The following ARMC9 variants were observed in gnomAD, a reference collection of about 807,000 sequenced individuals.
The protein encoded by ARMC9 is armadillo repeat containing 9.
A neutral mutation model predicts 107.0 loss-of-function variants in ARMC9; 94 were observed. The observed-to-expected ratio is 0.88, with a 90% CI of 0.74 to 1.04. The LOEUF (loss-of-function observed/expected upper bound fraction) is 1.04, where lower values mean the gene tolerates loss of function less well. Ranked by LOEUF, ARMC9 falls within the 50% of genes least tolerant of loss-of-function variation. The pLI, the probability that ARMC9 is intolerant of heterozygous loss-of-function variation, is 0.00. For synonymous variants in ARMC9, 380 were observed against 396.9 expected (o/e 0.96, Z 0.51); for missense variants, 942 against 1,030.1 (o/e 0.91, Z 1.17).
intron 17 of ARMC9, among the ~76,000 whole-genome samples, chr2:231,290,521 A>T (rs1173033670): frequency 6.6e-6 from 1 of 152,160 alleles, no homozygotes; most frequent in Non-Finnish European, 1.5e-5. Flanking sequence ...TCATTATTAG[A>T]AGCACTTTCC....
chr2:231,318,781 G>A (rs564819619), intron 19 of ARMC9, among the ~76,000 whole-genome samples: 57 of 152,358 alleles, frequency 3.7e-4, no homozygotes, highest in African/African-American at 1.3e-3. Flanking sequence ...GATAACTGTA[G>A]AGAGGAATTG....
chr2:231,326,117 C>T (rs1161089816), intron 19 of ARMC9, among the ~76,000 whole-genome samples: 2 of 152,224 alleles, frequency 1.3e-5, no homozygotes, highest in African/African-American at 4.8e-5. Flanking sequence ...GCTGTCCAGC[C>T]TGTACCTCCT....
Position 231,226,937 on chromosome 2 carries a change from T to C in ARMC9, c.622+139T>C, listed in dbSNP as rs1574670060. ...ATATTTATGAAAGGCTTTGCAGTCA[T>C]AGTGACCTGCAGTTCCTTGAGGCCC... is the stretch of plus-strand genomic sequence containing the variant. On this transcript the variant is annotated intron_variant, in intron 7 of 24. Coordinates refer to ENST00000611582, the MANE Select transcript of ARMC9 (RefSeq NM_001352754.2). 3 of 993,340 alleles carry C rather than the reference T, an allele frequency of 3.0e-6. No homozygotes were observed. The South Asian group carries it at 4.6e-5, about 15-fold the overall frequency. The allele number at this position is 993,340 out of a possible 1,614,324, so 61.5% of individuals were successfully genotyped here.
In ARMC9 at chr2:231,296,244, AGAT is replaced by A. The variant is rs1553618510; in HGVS notation, c.1770_1772del (p.Asp590del). On this transcript the variant is annotated inframe_deletion, in exon 19 of 25. Transcript: ENST00000611582. ...TTGAATCTGATGATGATGAAGATGAAGATGATGAAGTAAGTTGGAGGTTCTTGA... is the reference window on the plus strand; with the variant it reads ...TTGAATCTGATGATGATGAAGATGAAGATGAAGTAAGTTGGAGGTTCTTGA... 4.3e-6 allele frequency: 7 copies of A among 1,613,232 alleles called. No homozygotes were observed. Among genetic ancestry groups the A allele is most frequent in the Non-Finnish European group, 5.1e-6 (6 of 1,179,474 alleles).
chr2:231,228,374 G>A (rs970019664), intron 7 of ARMC9, among the ~76,000 whole-genome samples: 2 of 152,320 alleles, frequency 1.3e-5, no homozygotes, highest in Non-Finnish European at 1.5e-5. Flanking sequence ...AGGCGGAGCG[G>A]CCTGGGGCCA....
chr2:231,199,764 C>G (rs1160172690), intron 1 of ARMC9, among the ~76,000 whole-genome samples: 1 of 152,034 alleles, frequency 6.6e-6, no homozygotes, highest in Non-Finnish European at 1.5e-5. Context: ...GGCATGATCT[C>G]GGCTCACTGC....
At chr2:231,309,647 G>A (rs1312478255) in intron 19 of ARMC9, among the ~76,000 whole-genome samples, 5 of 152,058 alleles carry the variant, frequency 3.3e-5, no homozygotes, top group African/African-American at 7.2e-5. Flanking sequence ...TTCAGAATTC[G>A]AGGCATCTAG....
chr2:231,362,084 T>A lies in ARMC9; in HGVS notation c.2261+1201T>A, dbSNP rs1310881898. On this transcript the variant is annotated intron_variant, in intron 23 of 24. Coordinates refer to ENST00000611582, the MANE Select transcript of ARMC9 (RefSeq NM_001352754.2). This position sits in a 1 kb window ranked among gnomAD's most constrained non-coding sequence, Gnocchi z 4.7. ...AAGCACGGGGTCAAAGGTGGCTGCA[T>A]TACTGGGGGAGGGGCCAAGCCTCTG... Among the ~76,000 whole-genome samples the A allele has an allele frequency of 6.6e-6, 1 of 152,040 alleles. No individual in the cohort carries two copies. The highest frequency in any genetic ancestry group is 6.5e-5 in the Admixed American group (1 of 15,276).
intron 20 of ARMC9, among the ~76,000 whole-genome samples, chr2:231,338,745 C>G (rs1297789642): frequency 6.6e-6 from 1 of 151,902 alleles, no homozygotes; most frequent in East Asian, 1.9e-4. Context: ...TATTAACTAG[C>G]TGCTTGGCAA....
intron 7 of ARMC9, among the ~76,000 whole-genome samples, chr2:231,232,271 G>T (rs1431131744): frequency 6.6e-6 from 1 of 151,856 alleles, no homozygotes; most frequent in African/African-American, 2.4e-5. Flanking sequence ...TGATCCACCC[G>T]CCTCGGCCTC....
At chr2:231,239,530 G>T (rs758305415) in intron 8 of ARMC9, among the ~76,000 whole-genome samples, 23 of 152,226 alleles carry the variant, frequency 1.5e-4, no homozygotes, top group Non-Finnish European at 2.6e-4. Context: ...CAGAGCTGTT[G>T]GTCTTCTCGA....
At chr2:231,260,647 G>C (rs758151198) in intron 11 of ARMC9, among the ~76,000 whole-genome samples, 2 of 152,282 alleles carry the variant, frequency 1.3e-5, no homozygotes, top group Admixed American at 6.5e-5. Flanking sequence ...TTTGGGTCAG[G>C]ACTAGAGTGG....
At chr2:231,224,073 T>C (rs779892167) in intron 6 of ARMC9, among the ~76,000 whole-genome samples, 34 of 152,178 alleles carry the variant, frequency 2.2e-4, no homozygotes, top group Admixed American at 5.9e-4. Context: ...TAATTATGGG[T>C]GCCAATATGT....
At position 231,341,667 on chromosome 2, in the gene ARMC9, TAGA is replaced by T. The variant is rs1333865988; in HGVS notation, c.1879-3307_1879-3305del. Among the ~76,000 whole-genome samples the T allele has an allele frequency of 3.0e-4, 44 of 146,780 alleles. 1 individual carries two copies. The highest frequency in any genetic ancestry group is 1.1e-3 in the African/African-American group (41 of 36,490). ...ATAGATAGATAGATAGATAGATAGA[TAGA>T]TAGATAGAGTATACCTGTATTTTTT... is the stretch of plus-strand genomic sequence containing the variant. On this transcript the variant is annotated intron_variant, in intron 20 of 24. Coordinates refer to ENST00000611582, the MANE Select transcript of ARMC9 (RefSeq NM_001352754.2).
At chr2:231,213,440 G>A (rs942905115) in intron 3 of ARMC9, among the ~76,000 whole-genome samples, 1 of 150,964 alleles carries the variant, frequency 6.6e-6, no homozygotes, top group Admixed American at 6.6e-5. Flanking sequence ...GGGATTACAG[G>A]TGTGAGCTAC....
In ARMC9 at chr2:231,259,066, C is replaced by A; in HGVS notation, c.990C>A (p.Asp330Glu). 1 of 1,614,086 alleles carries A rather than the reference C, an allele frequency of 6.2e-7. No individual in the cohort carries two copies. The highest frequency in any genetic ancestry group is 8.5e-7 in the Non-Finnish European group (1 of 1,179,998). Residue 330 changes from aspartate to glutamate, a missense_variant, in exon 11 of 25, where the codon GAC becomes GAA. Transcript: ENST00000611582. ...KLKKDLILGS[D>E]RLKAFLLQAL... ...AGAAGGATTTGATTTTGGGGAGTGA[C>A]CGCTTGAAAGCCTTCTTGTTGCAGG...
At position 231,354,536 on chromosome 2, in the gene ARMC9, C is replaced by T. The variant is rs1045995183; in HGVS notation, c.1995-1262C>T. On this transcript the variant is annotated intron_variant, in intron 21 of 24. Coordinates refer to ENST00000611582, the MANE Select transcript of ARMC9 (RefSeq NM_001352754.2). ...AGCTGGGACTACAGGCATACATCAC[C>T]ACGTCCCACTAATTTTTATATTTTT... Among the ~76,000 whole-genome samples, 25 of 152,098 alleles carry T rather than the reference C, an allele frequency of 1.6e-4. No homozygotes were observed. In the South Asian group the frequency reaches 2.5e-3, roughly 15 times the overall value.
chr2:231,369,985 G>A lies in ARMC9; in HGVS notation c.2294G>A (p.Arg765Gln), dbSNP rs187227205. Reference protein sequence around the residue: ...ECASAFTCKPRAPCTPEMLDW... With the variant: ...ECASAFTCKPQAPCTPEMLDW... ...GCATCAGCCTTCACCTGCAAGCCCCGGGCCCCCTGCACTCCAGAGATGCTG... is the reference window on the plus strand; with the variant it reads ...GCATCAGCCTTCACCTGCAAGCCCCAGGCCCCCTGCACTCCAGAGATGCTG... Residue 765 changes from arginine (R) to glutamine (Q), a missense_variant, in exon 24 of 25, where the codon CGG becomes CAG. Transcript: ENST00000611582. 1.4e-4 allele frequency: 213 copies of A among 1,529,502 alleles called. No homozygotes were observed. The East Asian group carries it at 2.1e-3, about 15-fold the overall frequency. 94.7% of individuals were successfully genotyped at this position (1,529,502 alleles called of 1,614,324 possible). A position where few individuals can be genotyped will look rare whatever the true frequency, so the allele number is the denominator to read the frequency against.
intron 17 of ARMC9, among the ~76,000 whole-genome samples, chr2:231,283,859 A>G (rs2040396476): frequency 6.6e-6 from 1 of 152,120 alleles, no homozygotes; most frequent in Non-Finnish European, 1.5e-5. Flanking sequence ...CAGCTTATCC[A>G]GTAGCTGGGA....
Sources: allele counts gnomAD v4.1 joint callset (sites outside exome capture counted in the v4.1 genomes callset), GRCh38; gene constraint gnomAD v4.1.1; non-coding constraint Gnocchi (gnomAD v3.1); transcripts MANE v1.5; gene names NCBI Gene and HGNC (gene_info 2026-07-23, HGNC 2026-07-21).